AREL1: variants seen among roughly 807,000 people sequenced by gnomAD.
The protein encoded by AREL1 is apoptosis-resistant E3 ubiquitin protein ligase 1.
AREL1 carries 62 observed loss-of-function variants against 99.0 expected under a neutral mutation model. The observed-to-expected ratio is 0.63, with a 90% CI of 0.51 to 0.77. The LOEUF (loss-of-function observed/expected upper bound fraction) is 0.77. Ranked by LOEUF, AREL1 falls within the 30% of genes least tolerant of loss-of-function variation. AREL1 has a pLI of 0.00. For missense variants in AREL1, 879 were observed against 1,027.6 expected (o/e 0.86, Z 1.98); for synonymous variants, 380 against 376.5 (o/e 1.01, Z -0.11).
chr14:74,667,585 G>C lies in AREL1; in HGVS notation c.1924C>G (p.Leu642Val). 6.2e-7 allele frequency: 1 copy of C among 1,610,256 alleles called. No homozygotes were observed. Among genetic ancestry groups the C allele is most frequent in the Non-Finnish European group, 8.5e-7 (1 of 1,178,112 alleles). ...KSGQLDKVVE[L>V]MTGGAQTPVT... is the part of the protein sequence containing the mutation. ...GGAGTTTGAGCTCCACCTGTCATGA[G>C]TTCTACAACCTGTAACAGGCAGCAA... The change falls in exon 16 of 20, where the codon CTC becomes GTC. Residue 642 changes from leucine to valine, a missense_variant. Coordinates refer to ENST00000356357, the MANE Select transcript of AREL1 (RefSeq NM_001039479.2).
chr14:74,673,299 A>T, intron 9 of AREL1, 81 bp from the exon 10 acceptor site: 1 of 1,394,332 alleles, frequency 7.2e-7, no homozygotes, highest in Non-Finnish European at 9.9e-7. Context: ...CCTGTGTACC[A>T]ACCAACAACA....
intron 4 of AREL1, 92 bp downstream of exon 4, chr14:74,684,362 G>C: frequency 8.7e-7 from 1 of 1,155,336 alleles, no homozygotes; most frequent in Admixed American, 2.1e-5. Flanking sequence ...AAAAACAAGA[G>C]AAAATGTTAA....
Position 74,691,417 on chromosome 14 carries a change from T to C in AREL1, c.-46+624A>G, listed in dbSNP as rs576829265. Among the ~76,000 whole-genome samples the C allele has an allele frequency of 2.7e-5, 4 of 146,194 alleles. No homozygotes were observed. In the Admixed American group the frequency reaches 2.7e-4, roughly 10 times the overall value. The stretch of plus-strand genomic sequence containing the variant: ...TGAATCATGAAAAAGAATAAAGTCA[T>C]AAGGATAGTGAAGTATTTGGGGAAA... On this transcript the variant is annotated intron_variant, in intron 2 of 19. Transcript: ENST00000356357.
chr14:74,673,071 C>T lies in AREL1; in HGVS notation c.1300+6G>A. 2 of 1,614,134 alleles carry T rather than the reference C, an allele frequency of 1.2e-6. No individual in the cohort carries two copies. The highest frequency in any genetic ancestry group is 1.7e-6 in the Non-Finnish European group (2 of 1,180,014). ...CCTTCCCTATAGAATCCCTGTGTAA[C>T]CTCACCTATGTTCTTATGCAGGGAG... On this transcript the variant is annotated splice_donor_region_variant and intron_variant, in intron 10 of 19. Transcript: ENST00000356357.
At chr14:74,705,887 T>C (rs183277317) in intron 1 of AREL1, among the ~76,000 whole-genome samples, 5 of 152,242 alleles carry the variant, frequency 3.3e-5, no homozygotes, top group East Asian at 3.9e-4. Flanking sequence ...CTCAGCACAG[T>C]TTAGAGAAAG....
intron 17 of AREL1, 42 bp downstream of exon 17, chr14:74,667,277 A>T: frequency 6.2e-7 from 1 of 1,613,112 alleles, no homozygotes; most frequent in Admixed American, 1.7e-5. Context: ...AAGCTACAAA[A>T]ATGCCAAGTT....
intron 17 of AREL1, among the ~76,000 whole-genome samples, chr14:74,666,850 G>A (rs1266100891): frequency 1.3e-5 from 2 of 151,564 alleles, no homozygotes; most frequent in African/African-American, 4.9e-5. Flanking sequence ...TTCCCAAGTA[G>A]CTGGGATTAC....
intron 15 of AREL1, among the ~76,000 whole-genome samples, chr14:74,669,244 C>T (rs1035497981): frequency 3.3e-5 from 5 of 152,174 alleles, no homozygotes; most frequent in Admixed American, 2.0e-4. Context: ...GAATCACCTA[C>T]ATCACTACTG....
At chr14:74,692,465 T>C in intron 1 of AREL1, 137 bp from the exon 2 acceptor site, 1 of 332,516 alleles carries the variant, frequency 3.0e-6, no homozygotes, top group Non-Finnish European at 5.8e-6. Flanking sequence ...ATTGGTAAAC[T>C]CTGACCAAGC....
chr14:74,664,150 T>A, intron 18 of AREL1, 76 bp from the exon 19 acceptor site: 1 of 1,496,316 alleles, frequency 6.7e-7, no homozygotes, highest in Non-Finnish European at 9.0e-7. Context: ...AGGAACAAGA[T>A]ACACTAAAGT....
At chr14:74,708,717 G>A (rs916810669) in intron 1 of AREL1, among the ~76,000 whole-genome samples, 6 of 152,148 alleles carry the variant, frequency 3.9e-5, no homozygotes, top group Non-Finnish European at 7.4e-5. Flanking sequence ...AAATGCCTTC[G>A]CTCTGAAAAA....
At chr14:74,668,251 C>G (rs941969714) in intron 15 of AREL1, among the ~76,000 whole-genome samples, 19 of 152,160 alleles carry the variant, frequency 1.2e-4, no homozygotes, top group African/African-American at 4.3e-4. Context: ...CCAATAAACT[C>G]CTAAGGGAAC....
chr14:74,706,488 G>A (rs1036271553), intron 1 of AREL1, among the ~76,000 whole-genome samples: 1 of 152,142 alleles, frequency 6.6e-6, no homozygotes, highest in African/African-American at 2.4e-5. Context: ...GCATTTTGTA[G>A]TTAAGATTCC....
rs75121602 is a variant in AREL1, at chr14:74,687,643, G to A, written c.-45-1983C>T. 8.2e-3 allele frequency among the ~76,000 whole-genome samples: 1,245 copies of A among 152,252 alleles called. 13 individuals carry two copies. Among genetic ancestry groups the A allele is most frequent in the African/African-American group, 0.028 (1,168 of 41,546 alleles). On this transcript the variant is annotated intron_variant, in intron 2 of 19. Transcript: ENST00000356357. The stretch of plus-strand genomic sequence containing the variant: ...GACAAGTCATTTAATCTTTGTAAAG[G>A]AGTGCCAGTTTCCTTATATGTACCT...
At chr14:74,688,150 C>T (rs971370029) in intron 2 of AREL1, among the ~76,000 whole-genome samples, 3 of 151,342 alleles carry the variant, frequency 2.0e-5, no homozygotes, top group Non-Finnish European at 2.9e-5. Context: ...CTCAGCCTCC[C>T]GAGTAGCTGG....
chr14:74,705,240 T>C (rs2090156148), intron 1 of AREL1, among the ~76,000 whole-genome samples: 1 of 152,220 alleles, frequency 6.6e-6, no homozygotes. Flanking sequence ...GGTTTCTCCA[T>C]GTTGGTCAGG....
At position 74,676,755 on chromosome 14, in the gene AREL1, G is replaced by T. The variant is rs2089489520; in HGVS notation, c.482-3C>A. 1 of 1,581,102 alleles carries T rather than the reference G, an allele frequency of 6.3e-7. No homozygotes were observed. The highest frequency in any genetic ancestry group is 8.6e-7 in the Non-Finnish European group (1 of 1,165,734). ...GGTCTTAGAAGGAACCACCATTCCT[G>T]GAACAAAGACAATGGAATCTAACAT... On this transcript the variant is annotated splice_region_variant and splice_polypyrimidine_tract_variant and intron_variant, in intron 5 of 19. Transcript: ENST00000356357.
chr14:74,696,459 G>T (rs977073998), intron 1 of AREL1, among the ~76,000 whole-genome samples: 1 of 152,074 alleles, frequency 6.6e-6, no homozygotes, highest in African/African-American at 2.4e-5. Context: ...CCTAAAACTA[G>T]TATCTCGGGG....
intron 15 of AREL1, 72 bp downstream of exon 15, chr14:74,669,577 G>C: frequency 6.6e-7 from 1 of 1,526,530 alleles, no homozygotes; most frequent in Non-Finnish European, 8.8e-7. Context: ...ACTGCAGAAA[G>C]TTCTCTTAGA....
Sources: allele counts gnomAD v4.1 joint callset (sites outside exome capture counted in the v4.1 genomes callset), GRCh38; gene constraint gnomAD v4.1.1; transcripts MANE v1.5; gene names NCBI Gene and HGNC (gene_info 2026-07-23, HGNC 2026-07-21).